The following PTPN4 variants were observed in gnomAD, a reference collection of about 807,000 sequenced individuals.
The protein encoded by PTPN4 is tyrosine-protein phosphatase non-receptor type 4.
In PTPN4, 49 loss-of-function variants were observed where a neutral mutation model predicts 135.5. The ratio of observed to expected loss-of-function variants is 0.36; its 90% confidence interval spans 0.29 to 0.46. PTPN4 has a LOEUF of 0.46. Among genes scored for constraint, PTPN4 ranks in the 20% least tolerant of loss-of-function variants. The pLI is 1.00. For synonymous variants in PTPN4, 333 were observed against 369.9 expected (o/e 0.90, Z 1.14); for missense variants, 860 against 1,101.0 (o/e 0.78, Z 3.10).
intron 1 of PTPN4, among the ~76,000 whole-genome samples, chr2:119,766,766 G>C (rs539103944): frequency 2.3e-4 from 35 of 152,220 alleles, no homozygotes; most frequent in African/African-American, 8.4e-4. Context: ...AGGGATGATA[G>C]GAACCAGAAA....
chr2:119,817,759 A>G (rs1558735082), intron 2 of PTPN4, among the ~76,000 whole-genome samples: 1 of 152,228 alleles, frequency 6.6e-6, no homozygotes. Context: ...TCTGGGTAGT[A>G]TGACCATGTT....
chr2:119,816,531 A>T (rs753414982), intron 2 of PTPN4, among the ~76,000 whole-genome samples: 5 of 152,218 alleles, frequency 3.3e-5, no homozygotes, highest in Non-Finnish European at 7.3e-5. Context: ...TGATTCAAGC[A>T]CATTACATTT....
chr2:119,922,609 T>C (rs1022743630), intron 12 of PTPN4, among the ~76,000 whole-genome samples: 1 of 152,206 alleles, frequency 6.6e-6, no homozygotes, highest in Non-Finnish European at 1.5e-5. Context: ...TTTGCATATG[T>C]GTTTATGAGG....
At chr2:119,869,798 C>A (rs1293567486) in intron 3 of PTPN4, among the ~76,000 whole-genome samples, 1 of 152,114 alleles carries the variant, frequency 6.6e-6, no homozygotes, top group Non-Finnish European at 1.5e-5. Flanking sequence ...AAAATGAATG[C>A]CATCAGCAGA....
intron 9 of PTPN4, among the ~76,000 whole-genome samples, chr2:119,893,988 A>G (rs1043962658): frequency 6.6e-6 from 1 of 152,186 alleles, no homozygotes; most frequent in Non-Finnish European, 1.5e-5. Flanking sequence ...AAACACCTAT[A>G]TAGCATTTAC....
intron 1 of PTPN4, among the ~76,000 whole-genome samples, chr2:119,797,015 G>A (rs1171032005): frequency 6.6e-6 from 1 of 151,948 alleles, no homozygotes; most frequent in Non-Finnish European, 1.5e-5. Context: ...ATCTTCTTTG[G>A]TGAAGTATTT....
chr2:119,862,378 C>T (rs1677773565), intron 2 of PTPN4, among the ~76,000 whole-genome samples, 158 bp from the exon 3 acceptor site: 1 of 152,132 alleles, frequency 6.6e-6, no homozygotes, highest in African/African-American at 2.4e-5. Context: ...TCCTACTGCT[C>T]AAGGTCATTG....
chr2:119,760,287 C>A lies in PTPN4; in HGVS notation c.-115C>A, dbSNP rs1690456742. 1 of 395,768 alleles carries A rather than the reference C, an allele frequency of 2.5e-6. No homozygotes were observed. Among genetic ancestry groups the A allele is most frequent in the Non-Finnish European group, 4.5e-6 (1 of 224,320 alleles). 24.5% of individuals were successfully genotyped at this position (395,768 alleles called of 1,614,324 possible). On this transcript the variant is annotated 5_prime_UTR_variant, in exon 1 of 27. Coordinates refer to ENST00000263708, the MANE Select transcript of PTPN4 (RefSeq NM_002830.4). ...GGCTGCTCGGGGGGCGCTGAGGTAG[C>A]CCCCCGGAGCGGCACGGAGGACGCG...
At chr2:119,932,312 C>A in intron 13 of PTPN4, 112 bp from the exon 14 acceptor site, 1 of 1,087,668 alleles carries the variant, frequency 9.2e-7, no homozygotes, top group South Asian at 1.9e-5. Flanking sequence ...CAAGTAAACT[C>A]TTTATGTTGC....
chr2:119,918,020 C>T lies in PTPN4; in HGVS notation c.829-2049C>T, dbSNP rs896579231. The stretch of plus-strand genomic sequence containing the variant: ...AATATGTATGCATCTTAGATGCTGA[C>T]AGTGAGAAGCTTCAGTGCATCATAG... On this transcript the variant is annotated intron_variant, in intron 11 of 26. Transcript: ENST00000263708. Among the ~76,000 whole-genome samples the T allele has an allele frequency of 3.3e-5, 5 of 152,130 alleles. No individual in the cohort carries two copies. The East Asian group carries it at 9.6e-4, about 29-fold the overall frequency.
intron 23 of PTPN4, among the ~76,000 whole-genome samples, chr2:119,961,492 A>G (rs1292571023): frequency 6.6e-6 from 1 of 152,186 alleles, no homozygotes; most frequent in Non-Finnish European, 1.5e-5. Context: ...CCATTTTGGA[A>G]AACAGTCTTG....
At position 119,760,189 on chromosome 2, in the gene PTPN4, G is replaced by A. The variant is rs1277384281; in HGVS notation, c.-213G>A. On this transcript the variant is annotated 5_prime_UTR_variant, in exon 1 of 27. Transcript: ENST00000263708. The stretch of plus-strand genomic sequence containing the variant: ...GCCTCCCTGCCACCTCCCCAGCGGC[G>A]CCGGCCCGCGGCTGCCCAGCAGCAT... 7.6e-6 allele frequency: 3 copies of A among 394,678 alleles called. No individual in the cohort carries two copies. Among genetic ancestry groups the A allele is most frequent in the Non-Finnish European group, 1.3e-5 (3 of 223,678 alleles). The allele number at this position is 394,678 out of a possible 1,614,324, so 24.4% of individuals were successfully genotyped here. A position where few individuals can be genotyped will look rare whatever the true frequency, so the allele number is the denominator to read the frequency against.
intron 15 of PTPN4, among the ~76,000 whole-genome samples, chr2:119,941,703 A>G (rs1174002950): frequency 6.6e-6 from 1 of 152,320 alleles, no homozygotes; most frequent in South Asian, 2.1e-4. Context: ...TTTCGTCTTC[A>G]TCTTAATCTA....
chr2:119,869,741 G>C (rs1165171647), intron 3 of PTPN4, among the ~76,000 whole-genome samples: 1 of 152,054 alleles, frequency 6.6e-6, no homozygotes, highest in African/African-American at 2.4e-5. Context: ...CCTACTTTTG[G>C]TTGCTTTCCA....
At chr2:119,828,837 G>T (rs576955269) in intron 2 of PTPN4, among the ~76,000 whole-genome samples, 10 of 152,178 alleles carry the variant, frequency 6.6e-5, no homozygotes, top group Admixed American at 2.6e-4. Flanking sequence ...TAAGTAGAAG[G>T]CTCTACAATA....
intron 3 of PTPN4, among the ~76,000 whole-genome samples, chr2:119,869,057 T>A (rs564829080): frequency 6.6e-6 from 1 of 152,332 alleles, no homozygotes; most frequent in South Asian, 2.1e-4. Flanking sequence ...TCACAGTAGT[T>A]TTATTCATAA....
At chr2:119,783,797 AT>A (rs1471986551) in intron 1 of PTPN4, among the ~76,000 whole-genome samples, 1 of 152,246 alleles carries the variant, frequency 6.6e-6, no homozygotes, top group African/African-American at 2.4e-5. Flanking sequence ...CCATGCCAAC[AT>A]TTAGTAGCAT....
intron 9 of PTPN4, among the ~76,000 whole-genome samples, chr2:119,895,728 T>G (rs1678312401): frequency 1.3e-5 from 2 of 152,170 alleles, no homozygotes; most frequent in African/African-American, 4.8e-5. Context: ...GAGACCATCC[T>G]GGCTAACACG....
intron 1 of PTPN4, among the ~76,000 whole-genome samples, chr2:119,787,924 A>G (rs1691075035): frequency 6.6e-6 from 1 of 152,194 alleles, no homozygotes; most frequent in African/African-American, 2.4e-5. Context: ...CTAGTATTAG[A>G]CATTTTAGGC....
Sources: allele counts gnomAD v4.1 joint callset (sites outside exome capture counted in the v4.1 genomes callset), GRCh38; gene constraint gnomAD v4.1.1; transcripts MANE v1.5; gene names NCBI Gene and HGNC (gene_info 2026-07-23, HGNC 2026-07-21).